Variants in PHLPP2 observed in about 807,000 individuals in gnomAD.
PHLPP2 encodes PH domain and leucine rich repeat protein phosphatase 2, also known as PH domain leucine-rich repeat-containing protein phosphatase 2.
In PHLPP2, 66 loss-of-function variants were observed where a neutral mutation model predicts 124.9. That is an observed-to-expected ratio of 0.53 (90% CI 0.43 to 0.65). The LOEUF is 0.65. Ranked by LOEUF, PHLPP2 falls within the 30% of genes least tolerant of loss-of-function variation. The probability of loss-of-function intolerance (pLI) is 0.00; values close to 1 mark genes in which losing one functional copy is unlikely to be tolerated. For synonymous variants in PHLPP2, 681 were observed against 624.7 expected, an observed-to-expected ratio of 1.09 and a Z score of -1.34; for missense variants, 1,685 against 1,600.4, an observed-to-expected ratio of 1.05 and a Z score of -0.90.
chr16:71,708,289 G>A (rs1324970832), intron 2 of PHLPP2, among the ~76,000 whole-genome samples: 1 of 152,166 alleles, frequency 6.6e-6, no homozygotes, highest in Non-Finnish European at 1.5e-5. Flanking sequence ...AAGTGAAAAT[G>A]GCCGGCTCCT....
At chr16:71,722,712 G>T (rs2045406024) in intron 1 of PHLPP2, among the ~76,000 whole-genome samples, 1 of 151,598 alleles carries the variant, frequency 6.6e-6, no homozygotes, top group African/African-American at 2.4e-5. Flanking sequence ...CCTTCTACTG[G>T]GCAAGTTTCA....
At chr16:71,713,164 A>C (rs1354555900) in intron 2 of PHLPP2, among the ~76,000 whole-genome samples, 1 of 152,198 alleles carries the variant, frequency 6.6e-6, no homozygotes, top group East Asian at 1.9e-4. Context: ...AATTCCTCTC[A>C]CATTTGCAGA....
chr16:71,654,063 C>T (rs1308741216), intron 17 of PHLPP2, among the ~76,000 whole-genome samples: 1 of 152,032 alleles, frequency 6.6e-6, no homozygotes, highest in African/African-American at 2.4e-5. Context: ...GGTGAGGTGG[C>T]GGGCACCTGT....
At chr16:71,691,237 A>G (rs890260738) in intron 3 of PHLPP2, among the ~76,000 whole-genome samples, 4 of 152,054 alleles carry the variant, frequency 2.6e-5, no homozygotes, top group East Asian at 1.9e-4. Context: ...GGCATATCAC[A>G]AGGTCAGGAG....
chr16:71,665,176 G>T (rs1357500356), intron 12 of PHLPP2, among the ~76,000 whole-genome samples: 1 of 152,034 alleles, frequency 6.6e-6, no homozygotes, highest in Non-Finnish European at 1.5e-5. Flanking sequence ...GAGTGTGGCG[G>T]CACATGGCTG....
intron 13 of PHLPP2, among the ~76,000 whole-genome samples, chr16:71,662,386 C>T (rs567685981): frequency 2.0e-4 from 31 of 151,928 alleles, no homozygotes; most frequent in East Asian, 1.8e-3. Context: ...GCCAAGACCA[C>T]GCCACAGCAC....
intron 6 of PHLPP2, among the ~76,000 whole-genome samples, chr16:71,680,201 T>C (rs1254796928): frequency 6.6e-6 from 1 of 152,212 alleles, no homozygotes. Context: ...AATTTCTACA[T>C]GTAATATACA....
chr16:71,661,615 A>G (rs2044790755), intron 13 of PHLPP2, among the ~76,000 whole-genome samples: 1 of 152,090 alleles, frequency 6.6e-6, no homozygotes, highest in African/African-American at 2.4e-5. Context: ...TGAAATTAAG[A>G]TTCTGCATTC....
intron 6 of PHLPP2, among the ~76,000 whole-genome samples, chr16:71,681,232 T>A (rs922686738): frequency 6.6e-6 from 1 of 151,992 alleles, no homozygotes; most frequent in African/African-American, 2.4e-5. Context: ...GGGAATGGGG[T>A]ATATATTTTA....
intron 2 of PHLPP2, among the ~76,000 whole-genome samples, chr16:71,706,087 G>A (rs2045271832): frequency 6.6e-6 from 1 of 152,210 alleles, no homozygotes; most frequent in Non-Finnish European, 1.5e-5. Flanking sequence ...CAAAACAGGT[G>A]TGAGAGAAAG....
chr16:71,682,124 A>AT (rs1288700713), intron 5 of PHLPP2, among the ~76,000 whole-genome samples: 1 of 152,134 alleles, frequency 6.6e-6, no homozygotes, highest in Non-Finnish European at 1.5e-5. Context: ...TAAAGTCTCT[A>AT]TAAGTACAAG....
In PHLPP2 at chr16:71,724,312, C is replaced by G. The variant is rs2045419649; in HGVS notation, c.-7+17G>C. 6.6e-6 allele frequency: 1 copy of G among 152,270 alleles called. No homozygotes were observed. Among genetic ancestry groups the G allele is most frequent in the Non-Finnish European group, 1.5e-5 (1 of 68,050 alleles). 9.4% of individuals were successfully genotyped at this position (152,270 alleles called of 1,614,324 possible). Reference sequence around the variant, plus strand: ...CTCACCTGCCAAGCCGTTGAACGAACTGTTGAGAATACTCACCTTGGCAAG... The same window carrying G: ...CTCACCTGCCAAGCCGTTGAACGAAGTGTTGAGAATACTCACCTTGGCAAG... On this transcript the variant is annotated intron_variant, in intron 1 of 18. Coordinates refer to ENST00000568954, the MANE Select transcript of PHLPP2 (RefSeq NM_015020.3).
chr16:71,676,755 CTTT>C, intron 8 of PHLPP2, 106 bp from the exon 9 acceptor site: 1 of 641,994 alleles, frequency 1.6e-6, no homozygotes, highest in Non-Finnish European at 2.5e-6. Context: ...TCTCTGTTTA[CTTT>C]TTTTTTTTGA....
At position 71,678,808 on chromosome 16, in the gene PHLPP2, G is replaced by A. The variant is rs774029351; in HGVS notation, c.1215C>T (p.Val405=). ...RVVMAGNCLE[V]LNLGVLNRMN... ...TCCTATTCAGCACCCCTAAGTTCAG[G>A]ACTTCCAGGCAATTTCCTGCCATAA... Residue 405 remains valine (V), a synonymous_variant, in exon 8 of 19, where the codon GTC becomes GTT. Coordinates refer to ENST00000568954, the MANE Select transcript of PHLPP2 (RefSeq NM_015020.3). The A allele has an allele frequency of 6.8e-6, 11 of 1,612,474 alleles. No individual in the cohort carries two copies. The African/African-American group carries it at 1.3e-4, about 20-fold the overall frequency.
chr16:71,703,050 T>A (rs1431967921), intron 2 of PHLPP2, among the ~76,000 whole-genome samples: 1 of 152,216 alleles, frequency 6.6e-6, no homozygotes, highest in Non-Finnish European at 1.5e-5. Flanking sequence ...ACTTTCTGTT[T>A]CTGAGTTATT....
intron 13 of PHLPP2, among the ~76,000 whole-genome samples, chr16:71,659,137 T>C (rs35969776): frequency 0.11 from 16,322 of 152,148 alleles, 1,481 homozygotes; most frequent in East Asian, 0.42. Context: ...GTCTTGATGC[T>C]TGCTTTACCA....
rs893155133 is a variant in PHLPP2, at chr16:71,648,101, G to A, written c.*789C>T. On this transcript the variant is annotated 3_prime_UTR_variant, in exon 19 of 19. Coordinates refer to ENST00000568954, the MANE Select transcript of PHLPP2 (RefSeq NM_015020.3). ...CATTTTGATAGGCTGTATTCTCGTAGAGAAGAATGAAAAGCCATGTGACTA... is the reference window on the plus strand; with the variant it reads ...CATTTTGATAGGCTGTATTCTCGTAAAGAAGAATGAAAAGCCATGTGACTA... 1 of 152,654 alleles carries A rather than the reference G, an allele frequency of 6.6e-6. No homozygotes were observed. The highest frequency in any genetic ancestry group is 1.5e-5 in the Non-Finnish European group (1 of 68,044). 9.5% of individuals were successfully genotyped at this position (152,654 alleles called of 1,614,324 possible).
intron 1 of PHLPP2, among the ~76,000 whole-genome samples, chr16:71,722,801 C>T (rs979941450): frequency 2.0e-5 from 3 of 152,114 alleles, no homozygotes; most frequent in African/African-American, 7.2e-5. Flanking sequence ...CGTATTTGAC[C>T]TACAGAAAAA....
chr16:71,663,902 G>A lies in PHLPP2; in HGVS notation c.1982C>T (p.Ala661Val). The A allele has an allele frequency of 6.2e-7, 1 of 1,610,978 alleles. No individual in the cohort carries two copies. Among genetic ancestry groups the A allele is most frequent in the Non-Finnish European group, 8.5e-7 (1 of 1,177,094 alleles). ...LANNQLQTFP[A>V]SKLNKLEQLE... The stretch of plus-strand genomic sequence containing the variant: ...TCAAAGTTTGCATTCATTTTACCTT[G>A]CAGGAAAGGTCTGTAACTGATTGTT... The change falls in exon 13 of 19, where the codon GCA becomes GTA. Residue 661 changes from alanine (A) to valine (V), a missense_variant. Coordinates refer to ENST00000568954, the MANE Select transcript of PHLPP2 (RefSeq NM_015020.3).
Sources: gnomAD v4.1 joint callset for allele counts (sites outside exome capture counted in the v4.1 genomes callset) on GRCh38, gnomAD v4.1.1 for gene constraint, MANE v1.5 for transcripts, NCBI Gene and HGNC (gene_info 2026-07-23, HGNC 2026-07-21) for gene names.